CALN1: variants seen among roughly 807,000 people sequenced by gnomAD.
CALN1 encodes the protein calneuron 1, also known as calcium-binding protein 8.
A neutral mutation model predicts 30.6 loss-of-function variants in CALN1; 17 were observed. The observed-to-expected ratio is 0.56, with a 90% CI of 0.38 to 0.83. CALN1 has a LOEUF of 0.83. Among genes scored for constraint, CALN1 ranks in the 40% least tolerant of loss-of-function variants. The pLI is 0.00. For missense variants in CALN1, 291 were observed against 354.9 expected, an observed-to-expected ratio of 0.82 and a Z score of 1.45; for synonymous variants, 156 against 131.4, an observed-to-expected ratio of 1.19 and a Z score of -1.28.
chr7:71,863,581 A>AAG (rs1452287893), intron 5 of CALN1, among the ~76,000 whole-genome samples: 8 of 150,250 alleles, frequency 5.3e-5, no homozygotes, highest in Non-Finnish European at 7.4e-5. Flanking sequence ...AAAAAAAAAA[A>AAG]AAGAAGAAAG....
intron 2 of CALN1, among the ~76,000 whole-genome samples, chr7:72,279,969 C>T (rs1055997626): frequency 1.3e-5 from 2 of 152,150 alleles, no homozygotes; most frequent in Non-Finnish European, 1.5e-5. Context: ...GGGCAGCACT[C>T]AACCTGTGAA....
At chr7:72,430,311 T>A (rs1381802992) in intron 1 of CALN1, among the ~76,000 whole-genome samples, 1 of 148,264 alleles carries the variant, frequency 6.7e-6, no homozygotes, top group East Asian at 1.9e-4. Context: ...ATAATAATTA[T>A]ACATATTTTA....
Position 72,314,125 on chromosome 7 carries a change from C to T in CALN1, c.120-35315G>A, listed in dbSNP as rs548118209. Among the ~76,000 whole-genome samples, 6 of 152,122 alleles carry T rather than the reference C, an allele frequency of 3.9e-5. No homozygotes were observed. In the South Asian group the frequency reaches 8.3e-4, roughly 21 times the overall value. On this transcript the variant is annotated intron_variant, in intron 2 of 6. Coordinates refer to ENST00000395275, the MANE Select transcript of CALN1 (RefSeq NM_031468.4). ...CACAGGGCTGGAGTGAGGTGTCGGT[C>T]GACTGAGGGCAAGGAGGGGGAGCCA...
At chr7:72,361,476 A>C (rs1438507530) in intron 2 of CALN1, among the ~76,000 whole-genome samples, 1 of 152,218 alleles carries the variant, frequency 6.6e-6, no homozygotes, top group East Asian at 1.9e-4. Context: ...ACTGCACTCC[A>C]GCCTGGGTGA....
chr7:72,431,865 AAGTC>A (rs1251842423), intron 1 of CALN1, among the ~76,000 whole-genome samples: 4 of 148,802 alleles, frequency 2.7e-5, no homozygotes, highest in Non-Finnish European at 4.5e-5. Context: ...AAAAAAAACT[AAGTC>A]AGACTATCAG....
chr7:71,924,511 C>T (rs1390603028), intron 5 of CALN1, among the ~76,000 whole-genome samples: 3 of 151,976 alleles, frequency 2.0e-5, no homozygotes, highest in Non-Finnish European at 4.4e-5. Context: ...CAGAACACAC[C>T]CAATACGCTT....
At chr7:72,133,873 A>C (rs1809328335) in intron 3 of CALN1, among the ~76,000 whole-genome samples, 1 of 152,254 alleles carries the variant, frequency 6.6e-6, no homozygotes, top group Non-Finnish European at 1.5e-5. Flanking sequence ...AATATGTTAC[A>C]AAATAACTGG....
intron 2 of CALN1, among the ~76,000 whole-genome samples, chr7:72,307,961 G>C (rs545284044): frequency 6.6e-6 from 1 of 152,040 alleles, no homozygotes; most frequent in South Asian, 2.1e-4. Flanking sequence ...CATTTCGTGA[G>C]TCCTCTCACT....
chr7:72,455,321 A>ATGTGTGTGTGTG, the CALN1 span, among the ~76,000 whole-genome samples: 19 of 138,764 alleles, frequency 1.4e-4, no homozygotes, highest in African/African-American at 4.7e-4. Flanking sequence ...ATATATATAT[A>ATGTGTGTGTGTG]TGTGTGTGTG....
chr7:71,790,330 GAAAGAAAGAAAGAAAGA>G (rs1463121072), intron 6 of CALN1, among the ~76,000 whole-genome samples: 2 of 63,394 alleles, frequency 3.2e-5, no homozygotes, highest in Admixed American at 2.9e-4. Context: ...AAGAAAGAAG[GAAAGAAAGAAAGAAAGA>G]AAAGAAAGAA....
intron 2 of CALN1, among the ~76,000 whole-genome samples, chr7:72,319,208 G>A (rs771984082): frequency 3.9e-5 from 6 of 152,186 alleles, no homozygotes; most frequent in Non-Finnish European, 8.8e-5. Context: ...TCGTTTTCAT[G>A]CTGCTGATAA....
chr7:72,354,791 T>C (rs891554682), intron 2 of CALN1, among the ~76,000 whole-genome samples: 1 of 152,200 alleles, frequency 6.6e-6, no homozygotes, highest in Non-Finnish European at 1.5e-5. Flanking sequence ...TAGGCAAAGA[T>C]TAACTCCGAA....
At chr7:72,306,635 AG>A (rs202071949) in intron 2 of CALN1, among the ~76,000 whole-genome samples, 3 of 151,134 alleles carry the variant, frequency 2.0e-5, no homozygotes, top group East Asian at 1.9e-4. Flanking sequence ...AAAAAAAAGA[AG>A]AAAAAAAAAG....
chr7:72,148,975 AGGG>A (rs1314112458), intron 3 of CALN1, among the ~76,000 whole-genome samples: 1 of 117,054 alleles, frequency 8.5e-6, no homozygotes, highest in African/African-American at 3.2e-5. Flanking sequence ...GGAGGGAGGG[AGGG>A]AGGGAGGAAG....
intron 1 of CALN1, among the ~76,000 whole-genome samples, chr7:72,429,793 A>ATGTG (rs1315500601): frequency 6.7e-6 from 1 of 149,488 alleles, no homozygotes; most frequent in Non-Finnish European, 1.5e-5. Flanking sequence ...CTATATGTAT[A>ATGTG]TATGTGTGTG....
At chr7:72,466,686 T>C in the CALN1 span, among the ~76,000 whole-genome samples, 28 of 150,776 alleles carry the variant, frequency 1.9e-4, no homozygotes, top group East Asian at 3.2e-3. Context: ...GAGTTTGCAG[T>C]GAGCCAAGAT....
chr7:72,390,101 G>A (rs1805482552), intron 2 of CALN1, among the ~76,000 whole-genome samples: 2 of 152,002 alleles, frequency 1.3e-5, no homozygotes, highest in Admixed American at 6.5e-5. Flanking sequence ...TTTGCCCTGG[G>A]AAGACCTGAA....
rs1792882771 is a variant in CALN1 at position 72,217,106 on chromosome 7, G to C, written c.244+61580C>G. Reference sequence around the variant, plus strand: ...GAGGCAATAGAGAAAATACAAGAAAGGATTAAGAAAAGTACCTTTTTGGGG... The same window carrying C: ...GAGGCAATAGAGAAAATACAAGAAACGATTAAGAAAAGTACCTTTTTGGGG... On this transcript the variant is annotated intron_variant, in intron 3 of 6. Transcript: ENST00000395275. Among the ~76,000 whole-genome samples, 3 of 152,128 alleles carry C rather than the reference G, an allele frequency of 2.0e-5. No individual in the cohort carries two copies. In the South Asian group the frequency reaches 6.2e-4, roughly 32 times the overall value.
the CALN1 span, among the ~76,000 whole-genome samples, chr7:72,455,910 A>G: frequency 6.6e-6 from 1 of 152,088 alleles, no homozygotes. Context: ...CTGTGTCTTA[A>G]CATGGTGAGT....
Sources: gnomAD v4.1 joint callset for allele counts (sites outside exome capture counted in the v4.1 genomes callset) on GRCh38, gnomAD v4.1.1 for gene constraint, MANE v1.5 for transcripts, NCBI Gene and HGNC (gene_info 2026-07-23, HGNC 2026-07-21) for gene names.